The following FRMD4A variants were observed in gnomAD, a reference collection of about 807,000 sequenced individuals.
FRMD4A encodes FERM domain containing 4A.
A neutral mutation model predicts 129.1 loss-of-function variants in FRMD4A; 29 were observed. That is an observed-to-expected ratio of 0.22 (90% CI 0.17 to 0.31). The LOEUF (loss-of-function observed/expected upper bound fraction) is 0.31. Ranked by LOEUF, FRMD4A falls within the 10% of genes least tolerant of loss-of-function variation. FRMD4A has a pLI of 1.00. For missense variants in FRMD4A, 1,272 were observed against 1,375.8 expected (o/e 0.92, Z 1.19); for synonymous variants, 634 against 571.6 (o/e 1.11, Z -1.56).
chr10:13,690,921 A>G (rs750760237), intron 15 of FRMD4A, among the ~76,000 whole-genome samples: 2 of 152,232 alleles, frequency 1.3e-5, no homozygotes, highest in Non-Finnish European at 2.9e-5. Flanking sequence ...ATTGATTAGC[A>G]AAGTCCAGCC....
At position 14,262,884 on chromosome 10, in the gene FRMD4A, G is replaced by A. The variant is rs561307187; in HGVS notation, c.45+67174C>T. Among the ~76,000 whole-genome samples, 3 of 152,272 alleles carry A rather than the reference G, an allele frequency of 2.0e-5. No individual in the cohort carries two copies. The East Asian group carries it at 5.8e-4, about 29-fold the overall frequency. On this transcript the variant is annotated intron_variant, in intron 2 of 24. Coordinates refer to ENST00000357447, the MANE Select transcript of FRMD4A (RefSeq NM_018027.5). ...TTTCTTTTACAAGTAAATTAAACAA[G>A]TCAGCATACTGAATAGTTCTCCTAC... is the stretch of plus-strand genomic sequence containing the variant.
At chr10:14,295,212 G>A (rs948548259) in intron 2 of FRMD4A, among the ~76,000 whole-genome samples, 21 of 152,216 alleles carry the variant, frequency 1.4e-4, no homozygotes, top group African/African-American at 4.8e-4. Flanking sequence ...ATGGCATCAG[G>A]TACATGGGAA....
intron 2 of FRMD4A, among the ~76,000 whole-genome samples, chr10:14,053,654 C>T (rs1228385393): frequency 6.6e-6 from 1 of 152,146 alleles, no homozygotes; most frequent in African/African-American, 2.4e-5. Flanking sequence ...CTAGTAGCTG[C>T]CCATCTTTGA....
chr10:14,029,431 G>T (rs1444117175), intron 2 of FRMD4A, among the ~76,000 whole-genome samples: 1 of 151,948 alleles, frequency 6.6e-6, no homozygotes, highest in African/African-American at 2.4e-5. Flanking sequence ...CAAAAGTGAG[G>T]TTCTTGCCTC....
At chr10:13,936,274 C>G (rs1565072108) in intron 2 of FRMD4A, among the ~76,000 whole-genome samples, 1 of 152,170 alleles carries the variant, frequency 6.6e-6, no homozygotes, top group African/African-American at 2.4e-5. Context: ...AGTCATCACT[C>G]TAAGTCATCA....
chr10:13,930,823 A>G (rs1194805380), intron 2 of FRMD4A, among the ~76,000 whole-genome samples: 1 of 151,632 alleles, frequency 6.6e-6, no homozygotes, highest in Non-Finnish European at 1.5e-5. Context: ...GATTTATAAA[A>G]TTTTAGCTTA....
intron 2 of FRMD4A, among the ~76,000 whole-genome samples, chr10:14,103,521 T>A (rs1233913086): frequency 6.6e-6 from 1 of 152,198 alleles, no homozygotes; most frequent in Non-Finnish European, 1.5e-5. Flanking sequence ...CAGCCCTGGA[T>A]TAACTACCTG....
intron 2 of FRMD4A, among the ~76,000 whole-genome samples, chr10:14,006,539 T>C (rs932030698): frequency 6.6e-6 from 1 of 152,204 alleles, no homozygotes; most frequent in African/African-American, 2.4e-5. Flanking sequence ...CATAATGGTA[T>C]AAATGGAGGT....
At chr10:14,183,712 C>G (rs757913056) in intron 2 of FRMD4A, among the ~76,000 whole-genome samples, 1 of 152,078 alleles carries the variant, frequency 6.6e-6, no homozygotes, top group Non-Finnish European at 1.5e-5. Flanking sequence ...ACCATGGTAT[C>G]TAAATATGTT....
At chr10:13,855,488 A>G (rs1470127453) in intron 3 of FRMD4A, among the ~76,000 whole-genome samples, 15 of 152,124 alleles carry the variant, frequency 9.9e-5, no homozygotes, top group Non-Finnish European at 1.8e-4. Flanking sequence ...GGAGAGAAAC[A>G]CTTGCTCTAA....
chr10:14,008,582 C>G (rs1322204512), intron 2 of FRMD4A: 1 of 856,918 alleles, frequency 1.2e-6, no homozygotes, highest in Non-Finnish European at 1.4e-6. Flanking sequence ...ACGTATTATT[C>G]ATTCCATCAC....
intron 2 of FRMD4A, among the ~76,000 whole-genome samples, chr10:14,254,028 C>T (rs1844527163): frequency 6.6e-6 from 1 of 152,212 alleles, no homozygotes; most frequent in South Asian, 2.1e-4. Context: ...ACGCTAGTTT[C>T]CTCTGTTGGC....
intron 2 of FRMD4A, among the ~76,000 whole-genome samples, chr10:13,978,347 C>T (rs986993236): frequency 7.9e-5 from 12 of 152,176 alleles, no homozygotes; most frequent in African/African-American, 2.4e-4. Flanking sequence ...GGAAAAGAGG[C>T]TGGAGTACAG....
At chr10:13,925,566 CTTTTTTTTTT>C (rs66980805) in intron 2 of FRMD4A, among the ~76,000 whole-genome samples, 20 of 61,946 alleles carry the variant, frequency 3.2e-4, no homozygotes, top group East Asian at 8.0e-4. Flanking sequence ...TAGTGAAACG[CTTTTTTTTTT>C]TTTTTTTTTT....
chr10:14,093,705 A>ATTCCACAATAAATCT (rs61417950), intron 2 of FRMD4A, among the ~76,000 whole-genome samples: 1 of 152,068 alleles, frequency 6.6e-6, no homozygotes. Context: ...CTAAGAGCAG[A>ATTCCACAATAAATCT]TGGCATTTCA....
intron 11 of FRMD4A, among the ~76,000 whole-genome samples, chr10:13,739,836 A>C (rs2135049765): frequency 6.6e-6 from 1 of 152,382 alleles, no homozygotes; most frequent in Middle Eastern, 3.4e-3. Context: ...GCGGTGGCTC[A>C]CGCCTATAAT....
chr10:13,794,481 T>C (rs576069047), intron 5 of FRMD4A, among the ~76,000 whole-genome samples: 4 of 151,396 alleles, frequency 2.6e-5, no homozygotes, highest in Admixed American at 6.6e-5. Context: ...TGGATGACGA[T>C]GCCACAGACT....
At chr10:14,181,238 A>C (rs796142890) in intron 2 of FRMD4A, among the ~76,000 whole-genome samples, 49 of 152,334 alleles carry the variant, frequency 3.2e-4, no homozygotes, top group African/African-American at 1.1e-3. Context: ...TAAAGAGCAG[A>C]GTGACATTAT....
intron 12 of FRMD4A, among the ~76,000 whole-genome samples, chr10:13,721,548 T>G (rs1419847393): frequency 6.6e-6 from 1 of 152,012 alleles, no homozygotes; most frequent in Non-Finnish European, 1.5e-5. Context: ...AAACAGAGGA[T>G]CCCTAATTTT....
Sources: gnomAD v4.1 joint callset for allele counts (sites outside exome capture counted in the v4.1 genomes callset) on GRCh38, gnomAD v4.1.1 for gene constraint, MANE v1.5 for transcripts, NCBI Gene and HGNC (gene_info 2026-07-23, HGNC 2026-07-21) for gene names.